The following UPF1 variants were observed in gnomAD, a reference collection of about 807,000 sequenced individuals.
UPF1 encodes the protein regulator of nonsense transcripts 1.
In UPF1, 9 loss-of-function variants were observed where a neutral mutation model predicts 129.2. That is an observed-to-expected ratio of 0.07 (90% CI 0.04 to 0.12). The LOEUF (loss-of-function observed/expected upper bound fraction) is 0.12, where lower values mean the gene tolerates loss of function less well. Ranked by LOEUF, UPF1 falls within the 10% of genes least tolerant of loss-of-function variation. UPF1 has a pLI of 1.00. For missense variants in UPF1, 788 were observed against 1,525.3 expected (o/e 0.52, Z 8.05); for synonymous variants, 649 against 644.9 (o/e 1.01, Z -0.10).
At position 18,853,288 on chromosome 19, in the gene UPF1, G is replaced by A. The variant is rs770535477; in HGVS notation, c.1094G>A (p.Arg365Gln). 7 of 1,613,140 alleles carry A rather than the reference G, an allele frequency of 4.3e-6. No individual in the cohort carries two copies. Among genetic ancestry groups the A allele is most frequent in the Non-Finnish European group, 5.9e-6 (7 of 1,179,418 alleles). ...ATGCAGGGGGATGAGATATGCCTGC[G>A]GTACAAAGGGGACCTTGCGCCCCTG... ...RLMQGDEICL[R>Q]YKGDLAPLWK... Residue 365 changes from arginine to glutamine, a missense_variant, in exon 8 of 24, where the codon CGG becomes CAG. This residue lies in a region of UPF1 where 227 missense variants were observed against 517.9 expected (regional missense o/e 0.44). Coordinates refer to ENST00000262803, the MANE Select transcript of UPF1 (RefSeq NM_002911.4). This position sits in a 1 kb window ranked among gnomAD's most constrained non-coding sequence, Gnocchi z 4.4.
chr19:18,866,403 T>G, intron 23 of UPF1, 118 bp from the exon 24 acceptor site: 1 of 515,892 alleles, frequency 1.9e-6, no homozygotes, highest in Non-Finnish European at 3.3e-6. Flanking sequence ...GGACCTCAGT[T>G]TCCTCATCAG....
chr19:18,865,272 T>C lies in UPF1; in HGVS notation c.2858-17T>C. On this transcript the variant is annotated splice_polypyrimidine_tract_variant and intron_variant, in intron 20 of 23. Coordinates refer to ENST00000262803, the MANE Select transcript of UPF1 (RefSeq NM_002911.4). The surrounding 1 kb of genome is among the most constrained non-coding windows in gnomAD (Gnocchi z 6.1). ...CCGAGGCAGGTGACACCTGCCGTGT[T>C]CCACTGTGATTTGCAGGCCGGCCTT... 1 of 1,594,478 alleles carries C rather than the reference T, an allele frequency of 6.3e-7. No homozygotes were observed.
Position 18,860,829 on chromosome 19 carries a change from C to G in UPF1, c.2304C>G (p.Thr768=), listed in dbSNP as rs759751319. Residue 768 remains threonine, a synonymous_variant, in exon 17 of 24, where the codon ACC becomes ACG. Coordinates refer to ENST00000262803, the MANE Select transcript of UPF1 (RefSeq NM_002911.4). ...ACTGACAGCCTGGGTTTCTTAGGAC[C>G]GAGGCTGCGAACGTGGAGAAGATCA... ...ASSGTSYLNR[T]EAANVEKITT... 3 of 1,612,276 alleles carry G rather than the reference C, an allele frequency of 1.9e-6. No individual in the cohort carries two copies. Among genetic ancestry groups the G allele is most frequent in the South Asian group, 2.2e-5 (2 of 90,870 alleles).
Position 18,845,968 on chromosome 19 carries a change from G to A in UPF1, c.232-12G>A, listed in dbSNP as rs201866879. On this transcript the variant is annotated splice_polypyrimidine_tract_variant and intron_variant, in intron 1 of 23. Coordinates refer to ENST00000262803, the MANE Select transcript of UPF1 (RefSeq NM_002911.4). Reference sequence around the variant, plus strand: ...TGCAGCCTCACTCAGGTGACACTGCGTTCTGCTGCAGGTTGGGCCCGAAGG... The same window carrying A: ...TGCAGCCTCACTCAGGTGACACTGCATTCTGCTGCAGGTTGGGCCCGAAGG... 1.1e-5 allele frequency: 18 copies of A among 1,613,372 alleles called. No homozygotes were observed. Among genetic ancestry groups the A allele is most frequent in the Middle Eastern group, 1.6e-4 (1 of 6,084 alleles).
At position 18,868,185 on chromosome 19, in the gene UPF1, TTTAAG is replaced by T; in HGVS notation, c.*1671_*1675del. The T allele has an allele frequency of 4.2e-6, 1 of 239,372 alleles. No homozygotes were observed. The highest frequency in any genetic ancestry group is 8.4e-6 in the Non-Finnish European group (1 of 119,316). The allele number at this position is 239,372 out of a possible 1,614,324, so 14.8% of individuals were successfully genotyped here. The stretch of plus-strand genomic sequence containing the variant: ...AATGTAACTTTTGATTTTCGGTCAA[TTTAAG>T]TTCTTTTGTCACCAAATATTAATAA... On this transcript the variant is annotated 3_prime_UTR_variant, in exon 24 of 24. Coordinates refer to ENST00000262803, the MANE Select transcript of UPF1 (RefSeq NM_002911.4).
intron 1 of UPF1, among the ~76,000 whole-genome samples, chr19:18,834,057 C>G (rs899627565): frequency 6.6e-6 from 1 of 152,128 alleles, no homozygotes; most frequent in African/African-American, 2.4e-5. Flanking sequence ...GGAGTCTGAG[C>G]TGCGGAGGCC....
intron 1 of UPF1, chr19:18,833,082 ATT>A (rs1276554863): frequency 6.6e-6 from 1 of 152,096 alleles, no homozygotes; most frequent in Non-Finnish European, 1.5e-5. Context: ...CGGTCTCCCC[ATT>A]GGTGGGTCTG....
chr19:18,865,159 C>A lies in UPF1; in HGVS notation c.2858-130C>A. On this transcript the variant is annotated intron_variant, in intron 20 of 23. Coordinates refer to ENST00000262803, the MANE Select transcript of UPF1 (RefSeq NM_002911.4). This position sits in a 1 kb window ranked among gnomAD's most constrained non-coding sequence, Gnocchi z 6.1. The stretch of plus-strand genomic sequence containing the variant: ...GTAGTTAACATGGAGTCCTGCGAAT[C>A]CGCATCTTCAGCCTGGGCAGAGCCA... 8.3e-7 allele frequency: 1 copy of A among 1,198,928 alleles called. No individual in the cohort carries two copies. Among genetic ancestry groups the A allele is most frequent in the Non-Finnish European group, 1.1e-6 (1 of 870,318 alleles). 74.3% of individuals were successfully genotyped at this position (1,198,928 alleles called of 1,614,324 possible). A position where few individuals can be genotyped will look rare whatever the true frequency, so the allele number is the denominator to read the frequency against.
At chr19:18,840,813 G>A (rs2055533179) in intron 1 of UPF1, among the ~76,000 whole-genome samples, 1 of 152,208 alleles carries the variant, frequency 6.6e-6, no homozygotes, top group African/African-American at 2.4e-5. Flanking sequence ...AGGTCCTTGT[G>A]CCTTTTTCTG....
intron 15 of UPF1, among the ~76,000 whole-genome samples, chr19:18,859,221 C>T (rs1350332238): frequency 2.0e-5 from 3 of 152,196 alleles, no homozygotes; most frequent in Non-Finnish European, 2.9e-5. Flanking sequence ...CCCTCATGGT[C>T]CCCAGGGCAT....
At chr19:18,861,393 A>G (rs1601126756) in intron 17 of UPF1, among the ~76,000 whole-genome samples, 1 of 152,226 alleles carries the variant, frequency 6.6e-6, no homozygotes, top group East Asian at 1.9e-4. Flanking sequence ...GGGAGGAGGC[A>G]CAGCTCTGCC....
intron 18 of UPF1, chr19:18,863,173 GTCT>G (rs2055800396): frequency 4.9e-6 from 2 of 406,244 alleles, no homozygotes; most frequent in Non-Finnish European, 8.9e-6. Context: ...TTGACAGCAG[GTCT>G]TCTCTCCAAA....
At chr19:18,856,655 G>GT (rs2055721496) in intron 13 of UPF1, among the ~76,000 whole-genome samples, 1 of 152,244 alleles carries the variant, frequency 6.6e-6, no homozygotes, top group African/African-American at 2.4e-5. Context: ...AGCTCTTGGT[G>GT]TGGAGAGGTT....
At chr19:18,863,763 C>T (rs2055808486) in intron 19 of UPF1, 151 bp downstream of exon 19, 10 of 1,127,810 alleles carry the variant, frequency 8.9e-6, no homozygotes, top group East Asian at 2.8e-5. Flanking sequence ...TGGGCCAGCC[C>T]ACTTCTTGTC....
chr19:18,836,138 C>G (rs1268830792), intron 1 of UPF1, among the ~76,000 whole-genome samples: 7 of 152,196 alleles, frequency 4.6e-5, no homozygotes, highest in African/African-American at 1.7e-4. Context: ...CCTTAAGATA[C>G]AGGGACAGTT....
chr19:18,854,258 C>A (rs1249907376), intron 8 of UPF1, among the ~76,000 whole-genome samples: 1 of 152,226 alleles, frequency 6.6e-6, no homozygotes, highest in Non-Finnish European at 1.5e-5. Context: ...GGTCCTGGGG[C>A]CCAGGATGTG....
In UPF1 at chr19:18,865,563, C is replaced by A; in HGVS notation, c.3022C>A (p.Arg1008=). 1 of 1,613,894 alleles carries A rather than the reference C, an allele frequency of 6.2e-7. No individual in the cohort carries two copies. Among genetic ancestry groups the A allele is most frequent in the Non-Finnish European group, 8.5e-7 (1 of 1,180,036 alleles). The part of the protein sequence containing the change: ...FGQANGPAAG[R]GTPKGKTGRG... ...CACCCTGGACTGCTGTCTTTCAGGG[C>A]GAGGCACCCCGAAAGGCAAGACTGG... is the stretch of plus-strand genomic sequence containing the variant. The change falls in exon 22 of 24, where the codon CGA becomes AGA. Residue 1008 remains arginine (R), a splice_region_variant and synonymous_variant. Transcript: ENST00000262803. This position sits in a 1 kb window ranked among gnomAD's most constrained non-coding sequence, Gnocchi z 6.1.
At chr19:18,857,891 T>C (rs1384436248) in intron 15 of UPF1, among the ~76,000 whole-genome samples, 1 of 152,220 alleles carries the variant, frequency 6.6e-6, no homozygotes, top group African/African-American at 2.4e-5. Flanking sequence ...TCTCAGGGCC[T>C]GGGCCCCTGG....
chr19:18,856,316 G>T lies in UPF1; in HGVS notation c.1824+16G>T. The T allele has an allele frequency of 6.3e-7, 1 of 1,582,336 alleles. No individual in the cohort carries two copies. The highest frequency in any genetic ancestry group is 8.7e-7 in the Non-Finnish European group (1 of 1,156,012). On this transcript the variant is annotated intron_variant, in intron 13 of 23. Coordinates refer to ENST00000262803, the MANE Select transcript of UPF1 (RefSeq NM_002911.4). ...GCTGCTGATGGTGAGTGCCCCTCCT[G>T]CCTGCAAAAGGGCCTGTGGGCTGGC...
Sources: gnomAD v4.1 joint callset for allele counts (sites outside exome capture counted in the v4.1 genomes callset) on GRCh38, gnomAD v4.1.1 for gene constraint, gnomAD v4.1.1 regional missense constraint, Gnocchi (gnomAD v3.1) non-coding constraint, MANE v1.5 for transcripts, NCBI Gene and HGNC (gene_info 2026-07-23, HGNC 2026-07-21) for gene names.